NCAM2: variants seen among roughly 807,000 people sequenced by gnomAD.
NCAM2 encodes N-CAM-2.
Under a neutral mutation model 98.1 loss-of-function variants are expected in NCAM2, and 30 were observed. That is an observed-to-expected ratio of 0.31 (90% CI 0.23 to 0.41). The LOEUF is 0.41. Among genes scored for constraint, NCAM2 ranks in the 10% least tolerant of loss-of-function variants. NCAM2 has a pLI of 1.00. For missense variants in NCAM2, 867 were observed against 1,005.8 expected, an observed-to-expected ratio of 0.86 and a Z score of 1.87; for synonymous variants, 368 against 342.4, an observed-to-expected ratio of 1.07 and a Z score of -0.83.
chr21:21,089,566 G>C (rs1256524821), intron 1 of NCAM2, among the ~76,000 whole-genome samples: 1 of 152,168 alleles, frequency 6.6e-6, no homozygotes, highest in African/African-American at 2.4e-5. Flanking sequence ...CTAAATGCCT[G>C]TGCCAGAATG....
intron 1 of NCAM2, among the ~76,000 whole-genome samples, chr21:21,127,960 A>G (rs2066861971): frequency 6.6e-6 from 1 of 152,214 alleles, no homozygotes; most frequent in African/African-American, 2.4e-5. Context: ...CTCATTGATG[A>G]GACCTGCAGT....
At chr21:21,342,403 CT>C (rs770757499) in intron 8 of NCAM2, among the ~76,000 whole-genome samples, 1 of 152,150 alleles carries the variant, frequency 6.6e-6, no homozygotes, top group Non-Finnish European at 1.5e-5. Flanking sequence ...GGAGGTTCAA[CT>C]TTGCTGAGAA....
At chr21:21,377,735 A>G (rs555968309) in intron 9 of NCAM2, among the ~76,000 whole-genome samples, 3 of 151,930 alleles carry the variant, frequency 2.0e-5, no homozygotes, top group Non-Finnish European at 4.4e-5. Context: ...TGAAAAGCAC[A>G]TTATTGACTG....
At chr21:21,139,180 GAGGC>G (rs2067119003) in intron 1 of NCAM2, among the ~76,000 whole-genome samples, 1 of 152,210 alleles carries the variant, frequency 6.6e-6, no homozygotes, top group Non-Finnish European at 1.5e-5. Flanking sequence ...AGAAGTGAAG[GAGGC>G]AGTGGAACTA....
intron 1 of NCAM2, among the ~76,000 whole-genome samples, chr21:21,071,479 A>AT (rs746058596): frequency 6.6e-5 from 10 of 152,204 alleles, no homozygotes; most frequent in Non-Finnish European, 1.2e-4. Context: ...CTAAAAAAAA[A>AT]GCATTTGATT....
intron 12 of NCAM2, among the ~76,000 whole-genome samples, chr21:21,464,698 A>G (rs1983446297): frequency 1.3e-5 from 2 of 152,162 alleles, no homozygotes; most frequent in Non-Finnish European, 2.9e-5. Context: ...ACCTTGGTTA[A>G]ATTTCCTCTT....
chr21:21,165,408 A>G (rs1412154136), intron 1 of NCAM2, among the ~76,000 whole-genome samples: 1 of 152,176 alleles, frequency 6.6e-6, no homozygotes, highest in East Asian at 1.9e-4. Flanking sequence ...AGATGTTCAC[A>G]TTAAATCACA....
intron 1 of NCAM2, among the ~76,000 whole-genome samples, chr21:21,062,040 A>G (rs569273203): frequency 6.6e-6 from 1 of 152,140 alleles, no homozygotes; most frequent in Admixed American, 6.5e-5. Flanking sequence ...CTCCTCACTT[A>G]AATGATAAAG....
chr21:21,390,775 T>C (rs2076363926), intron 9 of NCAM2, among the ~76,000 whole-genome samples: 1 of 152,210 alleles, frequency 6.6e-6, no homozygotes, highest in Admixed American at 6.5e-5. Context: ...AGAAAAACAT[T>C]AATCACAGGG....
intron 1 of NCAM2, among the ~76,000 whole-genome samples, chr21:21,090,119 G>C (rs911064671): frequency 6.6e-6 from 1 of 152,120 alleles, no homozygotes; most frequent in African/African-American, 2.4e-5. Context: ...CAGAATCTCA[G>C]GCCCCACCCC....
At chr21:21,535,177 A>G (rs1685473941) in intron 17 of NCAM2, among the ~76,000 whole-genome samples, 2 of 152,066 alleles carry the variant, frequency 1.3e-5, no homozygotes, top group Admixed American at 1.3e-4. Flanking sequence ...GATGTTATTT[A>G]TTTTGCATCT....
chr21:21,240,996 G>A (rs2071044142), intron 1 of NCAM2, among the ~76,000 whole-genome samples: 1 of 152,062 alleles, frequency 6.6e-6, no homozygotes, highest in Admixed American at 6.6e-5. Context: ...AGTTAAAATT[G>A]CTTGGACCTT....
chr21:21,328,778 G>C (rs984021266), intron 6 of NCAM2, among the ~76,000 whole-genome samples: 1 of 151,784 alleles, frequency 6.6e-6, no homozygotes, highest in Non-Finnish European at 1.5e-5. Flanking sequence ...ATTGAAGAAA[G>C]AAAATGTTTA....
intron 15 of NCAM2, among the ~76,000 whole-genome samples, chr21:21,500,764 A>C (rs1216841090): frequency 2.6e-5 from 4 of 152,084 alleles, no homozygotes; most frequent in African/African-American, 9.7e-5. Context: ...TTGGTAAGTA[A>C]GTTTGTGATT....
chr21:21,311,512 T>G (rs1430620697), intron 5 of NCAM2, among the ~76,000 whole-genome samples: 1 of 151,966 alleles, frequency 6.6e-6, no homozygotes, highest in Non-Finnish European at 1.5e-5. Context: ...AGCTAATTTT[T>G]TTGTATTTTT....
At chr21:21,300,017 A>T (rs567136326) in intron 5 of NCAM2, among the ~76,000 whole-genome samples, 70 of 150,988 alleles carry the variant, frequency 4.6e-4, no homozygotes, top group South Asian at 2.5e-3. Context: ...ACTGTATTTT[A>T]AAAAAATTGT....
rs1339981448 is a variant in NCAM2, at chr21:21,418,560, G to A, written c.1471G>A (p.Ala491Thr). 1.2e-6 allele frequency: 2 copies of A among 1,604,794 alleles called. No homozygotes were observed. The highest frequency in any genetic ancestry group is 1.7e-5 in the Admixed American group (1 of 59,972). The change falls in exon 11 of 18, where the codon GCT becomes ACT. Residue 491 changes from alanine to threonine, a missense_variant. Ala to Thr is a moderately conservative substitution (Grantham distance 58, BLOSUM62 0). Transcript: ENST00000400546. ...AACAAGATTTCAAGAATATATTCTT[G>A]CTTTGGCTGGTAAGTATAGCACAAT... is the stretch of plus-strand genomic sequence containing the variant. ...IGTRFQEYILALADVPSSPYG... is the reference protein window; with the variant it reads ...IGTRFQEYILTLADVPSSPYG...
intron 1 of NCAM2, among the ~76,000 whole-genome samples, chr21:21,061,281 G>C (rs369847084): frequency 1.3e-5 from 2 of 152,282 alleles, no homozygotes; most frequent in East Asian, 3.9e-4. Context: ...GTCATTTAAA[G>C]TTATTGCTGG....
chr21:21,531,454 C>T (rs140799504), intron 16 of NCAM2, among the ~76,000 whole-genome samples: 78 of 133,092 alleles, frequency 5.9e-4, no homozygotes, highest in Admixed American at 4.6e-3. Flanking sequence ...GCACTATTAC[C>T]ATCTTTGTTT....
Sources: gnomAD v4.1 joint callset for allele counts (sites outside exome capture counted in the v4.1 genomes callset) on GRCh38, gnomAD v4.1.1 for gene constraint, MANE v1.5 for transcripts, NCBI Gene and HGNC (gene_info 2026-07-23, HGNC 2026-07-21) for gene names.